DPP4: variants seen among roughly 807,000 people sequenced by gnomAD.
DPP4 encodes the protein ADCP-2.
A neutral mutation model predicts 122.4 loss-of-function variants in DPP4; 93 were observed. That is an observed-to-expected ratio of 0.76 (90% CI 0.64 to 0.90). The LOEUF is 0.90. DPP4 is among the 40% of genes least tolerant of loss of function. The pLI is 0.00. For synonymous variants in DPP4, 321 were observed against 302.9 expected (o/e 1.06, Z -0.62); for missense variants, 914 against 907.3 (o/e 1.01, Z -0.09).
rs374247997 is a variant in DPP4 at position 162,019,216 on chromosome 2, C to T, written c.1298+7G>A. ...GACTCAAGTCAACAACTTGACAGAG[C>T]TCTTACTTATAAAGATTCCTTCCTC... is the stretch of plus-strand genomic sequence containing the variant. On this transcript the variant is annotated splice_region_variant and intron_variant, in intron 15 of 25. Transcript: ENST00000360534. 1.4e-5 allele frequency: 23 copies of T among 1,595,730 alleles called. No homozygotes were observed. In the African/African-American group the frequency reaches 2.3e-4, roughly 16 times the overall value.
intron 2 of DPP4, among the ~76,000 whole-genome samples, chr2:162,070,312 C>G (rs1193107375): frequency 6.6e-6 from 1 of 151,542 alleles, no homozygotes; most frequent in Non-Finnish European, 1.5e-5. Context: ...TTAAGCCTCT[C>G]TCTCTCTCTC....
In DPP4 at chr2:162,024,806, C is replaced by G. The variant is rs1559713047; in HGVS notation, c.1021G>C (p.Val341Leu). 1 of 1,613,412 alleles carries G rather than the reference C, an allele frequency of 6.2e-7. No individual in the cohort carries two copies. Among genetic ancestry groups the G allele is most frequent in the South Asian group, 1.1e-5 (1 of 91,054 alleles). ...AGAACATCCCCATTCAGTCTCACCA[C>G]TAAGCAGTTCCATCTTCCACTGGAT... ...DESSGRWNCL[V>L]ARQHIEMSTT... is the part of the protein sequence containing the mutation. Residue 341 changes from valine to leucine, a missense_variant and splice_region_variant, in exon 11 of 26, where the codon GTG becomes CTG. Transcript: ENST00000360534.
intron 2 of DPP4, among the ~76,000 whole-genome samples, chr2:162,056,364 A>G (rs1020463056): frequency 6.6e-6 from 1 of 152,244 alleles, no homozygotes; most frequent in African/African-American, 2.4e-5. Flanking sequence ...GAATGAAAAC[A>G]TAAAAGTCAG....
At position 162,016,751 on chromosome 2, in the gene DPP4, A is replaced by G; in HGVS notation, c.1567+17T>C. Reference sequence around the variant, plus strand: ...GTGTTTCCATGAAAAGTACTATTCCAAAGGAATTTAACTTACTTGTTTCAT... The same window carrying G: ...GTGTTTCCATGAAAAGTACTATTCCGAAGGAATTTAACTTACTTGTTTCAT... On this transcript the variant is annotated intron_variant, in intron 18 of 25. Transcript: ENST00000360534. 1 of 1,588,628 alleles carries G rather than the reference A, an allele frequency of 6.3e-7. No individual in the cohort carries two copies. Among genetic ancestry groups the G allele is most frequent in the Non-Finnish European group, 8.6e-7 (1 of 1,162,484 alleles).
intron 23 of DPP4, among the ~76,000 whole-genome samples, chr2:161,997,062 GCCA>G (rs1701025510): frequency 6.6e-6 from 1 of 152,186 alleles, no homozygotes; most frequent in African/African-American, 2.4e-5. Context: ...TCAGGACAGA[GCCA>G]CCCAAAATGT....
Position 162,073,388 on chromosome 2 carries a change from T to C in DPP4, c.94+11A>G, listed in dbSNP as rs768205530. On this transcript the variant is annotated intron_variant, in intron 2 of 25. Coordinates refer to ENST00000360534, the MANE Select transcript of DPP4 (RefSeq NM_001935.4). ...CAACTGTCCTATCTTTTTCAAATGT[T>C]TCAAACTTACTGCCTTTGTTCAGCA... is the stretch of plus-strand genomic sequence containing the variant. 2 of 1,613,876 alleles carry C rather than the reference T, an allele frequency of 1.2e-6. No individual in the cohort carries two copies. Among genetic ancestry groups the C allele is most frequent in the Non-Finnish European group, 1.7e-6 (2 of 1,179,936 alleles).
At position 161,994,953 on chromosome 2, in the gene DPP4, T is replaced by G. The variant is rs761266680; in HGVS notation, c.2199+8A>C. On this transcript the variant is annotated splice_region_variant and intron_variant, in intron 25 of 25. Coordinates refer to ENST00000360534, the MANE Select transcript of DPP4 (RefSeq NM_001935.4). ...ACTTCCCTCCCCTTGCACAAAGTTT[T>G]TCTATACCATTGCCTGGAAATCCAC... is the stretch of plus-strand genomic sequence containing the variant. 1 of 1,613,940 alleles carries G rather than the reference T, an allele frequency of 6.2e-7. No individual in the cohort carries two copies. Among genetic ancestry groups the G allele is most frequent in the Admixed American group, 1.7e-5 (1 of 60,018 alleles).
chr2:162,070,514 G>A (rs1188615348), intron 2 of DPP4, among the ~76,000 whole-genome samples: 1 of 152,006 alleles, frequency 6.6e-6, no homozygotes, highest in Non-Finnish European at 1.5e-5. Context: ...TCTTTGCTTT[G>A]TTTTTCTATC....
intron 2 of DPP4, among the ~76,000 whole-genome samples, chr2:162,069,706 A>G (rs1559728875): frequency 6.6e-6 from 1 of 152,206 alleles, no homozygotes; most frequent in Non-Finnish European, 1.5e-5. Flanking sequence ...CAAAGCTTTC[A>G]TTCAGGCGCA....
chr2:162,039,009 T>C lies in DPP4; in HGVS notation c.432A>G (p.Thr144=), dbSNP rs1271641382. Residue 144 remains threonine, a synonymous_variant, in exon 7 of 26, where the codon ACA becomes ACG. Transcript: ENST00000360534. ...GTGTGTTGTTTGGAATCCTCTCTTCTGTAATCAGCTGCCTGGAAAAAAGAT... is the reference window on the plus strand; with the variant it reads ...GTGTGTTGTTTGGAATCCTCTCTTCCGTAATCAGCTGCCTGGAAAAAAGAT... ...IYDLNKRQLI[T]EERIPNNTQW... is the part of the protein sequence containing the mutation. The C allele has an allele frequency of 1.4e-5, 23 of 1,613,276 alleles. No homozygotes were observed. The highest frequency in any genetic ancestry group is 2.0e-5 in the Non-Finnish European group (23 of 1,179,480).
At chr2:162,027,966 C>G (rs1262299781) in intron 10 of DPP4, among the ~76,000 whole-genome samples, 1 of 151,280 alleles carries the variant, frequency 6.6e-6, no homozygotes, top group Non-Finnish European at 1.5e-5. Flanking sequence ...GTGGCGCAGA[C>G]AGGAATTTTT....
chr2:162,055,885 G>C (rs185318683), intron 2 of DPP4, among the ~76,000 whole-genome samples: 46 of 152,290 alleles, frequency 3.0e-4, no homozygotes, highest in Non-Finnish European at 5.7e-4. Flanking sequence ...ATGGGGTTTA[G>C]TTCCCCCTCC....
Position 162,039,136 on chromosome 2 carries a change from T to G in DPP4, c.415A>C (p.Lys139Gln). ...TTTTATTGGGAAGTCACTGACCTTT[T>G]ATTTAAATCATAAATGTCATATGAA... ...TASYDIYDLNKRQLITEERIP... is the reference protein window; with the variant it reads ...TASYDIYDLNQRQLITEERIP... The change falls in exon 6 of 26, where the codon AAA becomes CAA. Residue 139 changes from lysine to glutamine, a missense_variant. By Grantham distance (53) the Lys-to-Gln change is moderately conservative. Coordinates refer to ENST00000360534, the MANE Select transcript of DPP4 (RefSeq NM_001935.4). The G allele has an allele frequency of 6.2e-7, 1 of 1,613,070 alleles. No homozygotes were observed. Among genetic ancestry groups the G allele is most frequent in the Non-Finnish European group, 8.5e-7 (1 of 1,179,338 alleles).
chr2:162,048,184 C>A (rs1200348570), intron 2 of DPP4, among the ~76,000 whole-genome samples: 2 of 152,148 alleles, frequency 1.3e-5, no homozygotes, highest in African/African-American at 2.4e-5. Context: ...CATCACTTTT[C>A]TTTGAAATTA....
intron 16 of DPP4, chr2:162,017,589 C>G (rs1351678639): frequency 1.9e-5 from 3 of 159,726 alleles, no homozygotes; most frequent in African/African-American, 7.2e-5. Flanking sequence ...CAGATCTCCC[C>G]CCGCTGCCCC....
At chr2:162,061,919 T>C (rs529423680) in intron 2 of DPP4, among the ~76,000 whole-genome samples, 21 of 152,270 alleles carry the variant, frequency 1.4e-4, no homozygotes, top group Non-Finnish European at 2.4e-4. Context: ...GCCTTCACAA[T>C]GGAAAGCCAA....
At position 162,018,717 on chromosome 2, in the gene DPP4, G is replaced by A; in HGVS notation, c.1420+12C>T. ...CGGCGACTGCCCTCCCTCCCAGGGA[G>A]CTCAGACTTACCGGAACATCTCAGC... is the stretch of plus-strand genomic sequence containing the variant. On this transcript the variant is annotated intron_variant, in intron 16 of 25. Transcript: ENST00000360534. 1 of 1,613,316 alleles carries A rather than the reference G, an allele frequency of 6.2e-7. No homozygotes were observed.
chr2:162,013,998 A>C (rs1682811094), intron 19 of DPP4, among the ~76,000 whole-genome samples: 1 of 152,158 alleles, frequency 6.6e-6, no homozygotes, highest in Non-Finnish European at 1.5e-5. Context: ...TATTTCAGGA[A>C]CTAAAGGAAG....
Position 162,020,303 on chromosome 2 carries a change from G to GA in DPP4, c.1177-8_1177-7insT. The GA allele has an allele frequency of 8.4e-7, 1 of 1,189,724 alleles. No homozygotes were observed. The highest frequency in any genetic ancestry group is 2.8e-5 in the East Asian group (1 of 35,480). The allele number at this position is 1,189,724 out of a possible 1,614,324, so 73.7% of individuals were successfully genotyped here. A position where few individuals can be genotyped will look rare whatever the true frequency, so the allele number is the denominator to read the frequency against. Reference sequence around the variant, plus strand: ...TTGTAATAAATGTGCAGTCCTGATGGTTTTTTTTTTTTTTCAAAAAAAAAA... The same window carrying GA: ...TTGTAATAAATGTGCAGTCCTGATGGATTTTTTTTTTTTTTCAAAAAAAAAA... On this transcript the variant is annotated splice_polypyrimidine_tract_variant and splice_region_variant and intron_variant, in intron 13 of 25. Transcript: ENST00000360534.
Sources: allele counts gnomAD v4.1 joint callset (sites outside exome capture counted in the v4.1 genomes callset), GRCh38; gene constraint gnomAD v4.1.1; transcripts MANE v1.5; gene names NCBI Gene and HGNC (gene_info 2026-07-23, HGNC 2026-07-21).